The following MCM3AP variants were observed in gnomAD, a reference collection of about 807,000 sequenced individuals.
MCM3AP encodes the protein minichromosome maintenance complex component 3 associated protein.
MCM3AP carries 126 observed loss-of-function variants against 184.1 expected under a neutral mutation model. The ratio of observed to expected loss-of-function variants is 0.68; its 90% CI spans 0.59 to 0.79. MCM3AP has a LOEUF of 0.79. MCM3AP is among the 30% of genes least tolerant of loss of function. The pLI is 0.00. For missense variants in MCM3AP, 2,496 were observed against 2,479.2 expected (o/e 1.01, Z -0.14); for synonymous variants, 1,002 against 979.3 (o/e 1.02, Z -0.43).
chr21:46,242,769 A>G (rs1007896779), intron 25 of MCM3AP, 33 bp downstream of exon 25: 3 of 1,579,748 alleles, frequency 1.9e-6, no homozygotes, highest in Non-Finnish European at 8.6e-7. Context: ...ACAGTTTAGC[A>G]AGCAACAGAA....
intron 26 of MCM3AP, 48 bp downstream of exon 26, chr21:46,240,763 G>T: frequency 6.5e-7 from 1 of 1,538,484 alleles, no homozygotes; most frequent in Non-Finnish European, 8.9e-7. Context: ...TCCCCTCACA[G>T]CATAAAGCAG....
At chr21:46,264,353 T>C (rs1174179431) in intron 12 of MCM3AP, 136 bp from the exon 13 acceptor site, 4 of 612,094 alleles carry the variant, frequency 6.5e-6, no homozygotes, top group Non-Finnish European at 1.2e-5. Context: ...GGCTAGGCTG[T>C]TGCAGGAAAG....
intron 6 of MCM3AP, among the ~76,000 whole-genome samples, chr21:46,273,807 A>G (rs900270670): frequency 1.3e-5 from 2 of 152,252 alleles, no homozygotes; most frequent in Admixed American, 6.5e-5. Flanking sequence ...TTAAGATATG[A>G]GTGCGTCATG....
chr21:46,278,719 T>G (rs566107831), intron 4 of MCM3AP, among the ~76,000 whole-genome samples: 11 of 151,732 alleles, frequency 7.2e-5, no homozygotes, highest in South Asian at 2.1e-4. Context: ...TGTTGCCCAG[T>G]CTGGAGTGCA....
intron 2 of MCM3AP, 75 bp downstream of exon 2, chr21:46,283,539 AC>A (rs1217692761): frequency 2.2e-6 from 2 of 928,332 alleles, no homozygotes; most frequent in Middle Eastern, 2.2e-4. Flanking sequence ...CAACTGAGGG[AC>A]CAAAAAAAAA....
chr21:46,245,364 GC>G (rs780869135), intron 22 of MCM3AP, among the ~76,000 whole-genome samples, 167 bp from the exon 23 acceptor site: 17 of 152,172 alleles, frequency 1.1e-4, no homozygotes, highest in Non-Finnish European at 1.9e-4. Context: ...GTTGAGTTTA[GC>G]CTTCTAGGGC....
At position 46,284,572 on chromosome 21, in the gene MCM3AP, TAG is replaced by T; in HGVS notation, c.713_714del (p.Pro238GlnfsTer8). 1 of 1,614,220 alleles carries T rather than the reference TAG, an allele frequency of 6.2e-7. No homozygotes were observed. Among genetic ancestry groups the T allele is most frequent in the Non-Finnish European group, 8.5e-7 (1 of 1,180,032 alleles). ...NQNVEEEKRG[P>X]KSIFGSSNNS... is the part of the protein sequence containing the mutation. ...TTATTAGAACTTCCAAATATTGACT[TAG>T]GTCCTCTCTTCTCTTCCTCTACATT... is the stretch of plus-strand genomic sequence containing the variant. On this transcript the variant is annotated frameshift_variant, in exon 1 of 28. Coordinates refer to ENST00000291688, the MANE Select transcript of MCM3AP (RefSeq NM_003906.5). LOFTEE classifies it high-confidence loss of function.
intron 6 of MCM3AP, 100 bp downstream of exon 6, chr21:46,275,083 ACCC>A: frequency 7.6e-7 from 1 of 1,318,674 alleles, no homozygotes; most frequent in African/African-American, 1.5e-5. Flanking sequence ...TAGCACAAAT[ACCC>A]AACACTGTCT....
At position 46,270,387 on chromosome 21, in the gene MCM3AP, G is replaced by A. The variant is rs764756966; in HGVS notation, c.2628+14C>T. 5.0e-6 allele frequency: 8 copies of A among 1,604,156 alleles called. No homozygotes were observed. In the Admixed American group the frequency reaches 6.9e-5, roughly 14 times the overall value. Reference sequence around the variant, plus strand: ...GCTTTCTTCCAACTCTGCAAGCACAGCTCATTTACTCACCTGACTGAAGTA... The same window carrying A: ...GCTTTCTTCCAACTCTGCAAGCACAACTCATTTACTCACCTGACTGAAGTA... On this transcript the variant is annotated intron_variant, in intron 9 of 27. Transcript: ENST00000291688.
chr21:46,254,844 C>G lies in MCM3AP; in HGVS notation c.3933G>C (p.Arg1311Ser). The part of the protein sequence containing the change: ...HAGRLGISCT[R>S]LRRLRNKTAH... ...CTGTCTTGTTTCTGAGCCGCCTTAA[C>G]CTGCAAAGGAAAGCAGAATGACAGT... Residue 1311 changes from arginine to serine, a missense_variant and splice_region_variant, in exon 18 of 28, where the codon AGG (arginine) becomes AGC (serine). By Grantham distance (110) the Arg-to-Ser change is moderately radical (BLOSUM62 -1). Coordinates refer to ENST00000291688, the MANE Select transcript of MCM3AP (RefSeq NM_003906.5). The G allele has an allele frequency of 6.2e-7, 1 of 1,613,614 alleles. No homozygotes were observed. The highest frequency in any genetic ancestry group is 1.1e-5 in the South Asian group (1 of 91,072).
At chr21:46,272,917 C>T (rs1274591520) in intron 7 of MCM3AP, 88 bp from the exon 8 acceptor site, 2 of 1,299,594 alleles carry the variant, frequency 1.5e-6, no homozygotes, top group East Asian at 2.4e-5. Context: ...CTCAATTTCT[C>T]ACTTTTCAAT....
Position 46,272,751 on chromosome 21 carries a change from C to T in MCM3AP, c.2275G>A (p.Ala759Thr), listed in dbSNP as rs1365553128. 1 of 1,613,882 alleles carries T rather than the reference C, an allele frequency of 6.2e-7. No individual in the cohort carries two copies. Among genetic ancestry groups the T allele is most frequent in the Non-Finnish European group, 8.5e-7 (1 of 1,179,960 alleles). Residue 759 changes from alanine to threonine, a missense_variant, in exon 8 of 28, where the codon GCC (alanine) becomes ACC (threonine). Physicochemically the swap from Ala to Thr is moderately conservative, Grantham distance 58. This residue lies in a region of MCM3AP where 105 missense variants were observed against 97.1 expected (regional missense o/e 1.08). Coordinates refer to ENST00000291688, the MANE Select transcript of MCM3AP (RefSeq NM_003906.5). ...EKCTRFHIHCAHFMCEEPMSS... is the reference protein window; with the variant it reads ...EKCTRFHIHCTHFMCEEPMSS... ...ATGGGCTCCTCACACATGAAGTGGG[C>T]ACAGTGGATGTGAAACCGGGTGCAC... is the stretch of plus-strand genomic sequence containing the variant.
At chr21:46,245,293 G>A in intron 22 of MCM3AP, 96 bp from the exon 23 acceptor site, 1 of 1,152,340 alleles carries the variant, frequency 8.7e-7, no homozygotes, top group Non-Finnish European at 1.2e-6. Flanking sequence ...CCCACAGCAG[G>A]TAATACCAGA....
Position 46,244,918 on chromosome 21 carries a change from C to A in MCM3AP, c.4927G>T (p.Gly1643Cys). The A allele has an allele frequency of 6.2e-7, 1 of 1,614,184 alleles. No homozygotes were observed. Among genetic ancestry groups the A allele is most frequent in the Non-Finnish European group, 8.5e-7 (1 of 1,180,032 alleles). The stretch of plus-strand genomic sequence containing the variant: ...TGCAGGTGAGGAAGCAGCCGGCTGC[C>A]CCCTGCCTCAGCAAACTCAGTGACA... ...WPVTEFAEAG[G>C]SRLLPHLHWN... Residue 1643 changes from glycine (G) to cysteine (C), a missense_variant, in exon 23 of 28, where the codon GGC becomes TGC. By Grantham distance (159) the Gly-to-Cys change is radical. This residue lies in a region of MCM3AP where 1,323 missense variants were observed against 1,273.4 expected (regional missense o/e 1.04). Coordinates refer to ENST00000291688, the MANE Select transcript of MCM3AP (RefSeq NM_003906.5).
intron 20 of MCM3AP, among the ~76,000 whole-genome samples, chr21:46,248,633 G>A (rs969027596): frequency 3.3e-5 from 5 of 149,320 alleles, no homozygotes; most frequent in Non-Finnish European, 7.4e-5. Flanking sequence ...AAAAAAAAGA[G>A]GAACCAGATA....
At chr21:46,267,205 G>T in intron 9 of MCM3AP, 63 bp from the exon 10 acceptor site, 1 of 1,513,194 alleles carries the variant, frequency 6.6e-7, no homozygotes. Flanking sequence ...CATGCAGTCA[G>T]CCCATGACCA....
intron 24 of MCM3AP, 71 bp from the exon 25 acceptor site, chr21:46,243,002 C>CAAA: frequency 1.6e-6 from 2 of 1,262,154 alleles, no homozygotes; most frequent in South Asian, 1.5e-5. Context: ...AAAAAAAACA[C>CAAA]ACACAAAAAA....
At chr21:46,241,086 TAG>T in intron 25 of MCM3AP, 69 bp from the exon 26 acceptor site, 1 of 1,154,126 alleles carries the variant, frequency 8.7e-7, no homozygotes, top group East Asian at 2.3e-5. Flanking sequence ...GTAAAGCATG[TAG>T]ATACATTTGC....
chr21:46,282,398 T>C (rs1260826620), intron 2 of MCM3AP, among the ~76,000 whole-genome samples: 2 of 152,224 alleles, frequency 1.3e-5, no homozygotes, highest in African/African-American at 2.4e-5. Context: ...ATTTATACTT[T>C]ATAAATTCCT....
Sources: allele counts gnomAD v4.1 joint callset (sites outside exome capture counted in the v4.1 genomes callset), GRCh38; gene constraint gnomAD v4.1.1; regional missense constraint gnomAD v4.1.1; transcripts MANE v1.5; gene names NCBI Gene and HGNC (gene_info 2026-07-23, HGNC 2026-07-21).